The following TMEM178B variants were observed in gnomAD, a reference collection of about 807,000 sequenced individuals.
TMEM178B encodes the protein transmembrane protein 178B.
TMEM178B carries 5 observed loss-of-function variants against 31.0 expected under a neutral mutation model. That is an observed-to-expected ratio of 0.16 (90% confidence interval 0.08 to 0.34). The LOEUF is 0.34. Among genes scored for constraint, TMEM178B ranks in the 10% least tolerant of loss-of-function variants. The probability of loss-of-function intolerance (pLI) is 1.00; values close to 1 mark genes in which losing one functional copy is unlikely to be tolerated. For missense variants in TMEM178B, 275 were observed against 400.3 expected, an observed-to-expected ratio of 0.69 and a Z score of 2.67; for synonymous variants, 164 against 164.0, an observed-to-expected ratio of 1.00 and a Z score of 0.00.
In TMEM178B at chr7:141,106,173, C is replaced by G. The variant is rs541613624; in HGVS notation, c.382+31481C>G. On this transcript the variant is annotated intron_variant, in intron 1 of 3. Transcript: ENST00000565468. ...AAAGGTGAGTTTGTATTTATACTTG[C>G]ATTTGACTTTGCATTCTTCATAGTT... 2.3e-4 allele frequency among the ~76,000 whole-genome samples: 35 copies of G among 151,952 alleles called. 1 individual carries two copies. In the South Asian group the frequency reaches 7.3e-3, roughly 31 times the overall value.
At chr7:141,376,729 C>G (rs953782173) in intron 2 of TMEM178B, among the ~76,000 whole-genome samples, 1 of 152,160 alleles carries the variant, frequency 6.6e-6, no homozygotes, top group Non-Finnish European at 1.5e-5. Context: ...TTTGCACCAA[C>G]CTGCTAGAAG....
chr7:141,331,997 C>T (rs1397738501), intron 2 of TMEM178B, among the ~76,000 whole-genome samples: 1 of 152,154 alleles, frequency 6.6e-6, no homozygotes, highest in African/African-American at 2.4e-5. Flanking sequence ...TTGGTTTTCC[C>T]CTGTGTTCTC....
intron 2 of TMEM178B, among the ~76,000 whole-genome samples, chr7:141,432,146 C>CTTTTTT (rs71170797): frequency 1.3e-5 from 1 of 79,082 alleles, no homozygotes; most frequent in Admixed American, 1.7e-4. Flanking sequence ...TTCACTGCAT[C>CTTTTTT]TTTTTTTTTT....
rs569296036 is a variant in TMEM178B at position 141,272,217 on chromosome 7, G to T, written c.496+59513G>T. On this transcript the variant is annotated intron_variant, in intron 2 of 3. Transcript: ENST00000565468. ...TAATGCATTTCCCATCTCCTGCAGT[G>T]GTTAGCATACATTCCCACATAGTGT... Among the ~76,000 whole-genome samples the T allele has an allele frequency of 2.6e-5, 4 of 152,254 alleles. No homozygotes were observed. The South Asian group carries it at 8.3e-4, about 32-fold the overall frequency.
intron 2 of TMEM178B, among the ~76,000 whole-genome samples, chr7:141,288,513 G>GA (rs1798488658): frequency 6.6e-6 from 1 of 151,040 alleles, no homozygotes; most frequent in Admixed American, 6.6e-5. Context: ...AATAAGAAAA[G>GA]AAAAAATGAT....
chr7:141,473,901 C>T lies in TMEM178B; in HGVS notation c.*3115C>T, dbSNP rs1802305473. On this transcript the variant is annotated 3_prime_UTR_variant, in exon 4 of 4. Coordinates refer to ENST00000565468, the MANE Select transcript of TMEM178B (RefSeq NM_001195278.2). ...TAAAACATGTGACTCCAACCAGTTA[C>T]GGAAGCTTTCTGGCTGTGAGGTAGC... is the stretch of plus-strand genomic sequence containing the variant. The T allele has an allele frequency of 6.6e-6, 1 of 152,202 alleles. No homozygotes were observed. The allele number at this position is 152,202 out of a possible 1,614,324, so 9.4% of individuals were successfully genotyped here. A position where few individuals can be genotyped will look rare whatever the true frequency, so the allele number is the denominator to read the frequency against.
the TMEM178B span, among the ~76,000 whole-genome samples, chr7:141,496,746 A>G: frequency 4.0e-5 from 6 of 149,386 alleles, no homozygotes; most frequent in Admixed American, 4.0e-4. Flanking sequence ...TAAAATCACT[A>G]TGTTTCTCCA....
At chr7:141,163,249 A>G (rs186487210) in intron 1 of TMEM178B, among the ~76,000 whole-genome samples, 2 of 152,320 alleles carry the variant, frequency 1.3e-5, no homozygotes, top group Admixed American at 1.3e-4. Flanking sequence ...TGTAATTCTC[A>G]TGATAATGGT....
At chr7:141,253,560 T>TA (rs1160011610) in intron 2 of TMEM178B, among the ~76,000 whole-genome samples, 1 of 144,648 alleles carries the variant, frequency 6.9e-6, no homozygotes, top group Non-Finnish European at 1.5e-5. Context: ...TTTTTTTTTT[T>TA]TTTTTTTGAG....
chr7:141,155,932 G>A (rs1005949075), intron 1 of TMEM178B, among the ~76,000 whole-genome samples: 2 of 152,144 alleles, frequency 1.3e-5, no homozygotes, highest in Non-Finnish European at 2.9e-5. Flanking sequence ...GGGCATGGTG[G>A]TGGGCACCTG....
At chr7:141,370,021 T>C (rs567054376) in intron 2 of TMEM178B, among the ~76,000 whole-genome samples, 1 of 151,958 alleles carries the variant, frequency 6.6e-6, no homozygotes, top group Admixed American at 6.5e-5. Context: ...TAACAATGGG[T>C]TCCATGTAGG....
intron 2 of TMEM178B, among the ~76,000 whole-genome samples, chr7:141,289,304 A>G (rs1234322574): frequency 6.6e-6 from 1 of 152,192 alleles, no homozygotes; most frequent in Non-Finnish European, 1.5e-5. Flanking sequence ...TACAGTCCAC[A>G]ATATGTACCT....
At chr7:141,306,841 C>G (rs887146691) in intron 2 of TMEM178B, among the ~76,000 whole-genome samples, 1 of 152,194 alleles carries the variant, frequency 6.6e-6, no homozygotes, top group Non-Finnish European at 1.5e-5. Context: ...AAACTCCCAT[C>G]TCTTCTAGGA....
At chr7:141,487,704 G>A in the TMEM178B span, among the ~76,000 whole-genome samples, 1 of 123,586 alleles carries the variant, frequency 8.1e-6, no homozygotes, top group Non-Finnish European at 1.6e-5. Context: ...TGGCGCCACT[G>A]CACTCCAGCC....
At chr7:141,300,779 A>G (rs534115528) in intron 2 of TMEM178B, among the ~76,000 whole-genome samples, 1 of 151,624 alleles carries the variant, frequency 6.6e-6, no homozygotes, top group Non-Finnish European at 1.5e-5. Flanking sequence ...CAATGCCACC[A>G]CCCCACTACT....
chr7:141,396,092 G>A (rs1800632158), intron 2 of TMEM178B, among the ~76,000 whole-genome samples: 1 of 152,122 alleles, frequency 6.6e-6, no homozygotes, highest in Non-Finnish European at 1.5e-5. Context: ...AGGGGCTTGG[G>A]GGTGCTCACC....
At chr7:141,415,051 GA>G (rs1801072230) in intron 2 of TMEM178B, 1 of 152,316 alleles carries the variant, frequency 6.6e-6, no homozygotes, top group Admixed American at 6.5e-5. Flanking sequence ...AGGGCATGGA[GA>G]AGGGTGAGCC....
At chr7:141,285,116 C>T (rs530725624) in intron 2 of TMEM178B, among the ~76,000 whole-genome samples, 3 of 146,110 alleles carry the variant, frequency 2.1e-5, no homozygotes, top group Non-Finnish European at 4.5e-5. Context: ...ACTAATGTCC[C>T]TTTTTCTGCC....
intron 1 of TMEM178B, among the ~76,000 whole-genome samples, chr7:141,140,971 C>G (rs1296702900): frequency 1.3e-5 from 2 of 152,114 alleles, no homozygotes; most frequent in East Asian, 3.8e-4. Context: ...CCCTCTTTTC[C>G]TACTGTACTC....
Sources: allele counts gnomAD v4.1 joint callset (sites outside exome capture counted in the v4.1 genomes callset), GRCh38; gene constraint gnomAD v4.1.1; transcripts MANE v1.5; gene names NCBI Gene and HGNC (gene_info 2026-07-23, HGNC 2026-07-21).